Variants in SRBD1 observed in about 807,000 individuals in gnomAD.
SRBD1 encodes the protein S1 RNA binding domain 1, also known as S1 RNA-binding domain-containing protein 1.
A neutral mutation model predicts 115.3 loss-of-function variants in SRBD1; 88 were observed. The ratio of observed to expected loss-of-function variants is 0.76; its 90% CI spans 0.64 to 0.91. The LOEUF is 0.91. SRBD1 is among the 40% of genes least tolerant of loss of function. The pLI, the probability that SRBD1 is intolerant of heterozygous loss-of-function variation, is 0.00. For synonymous variants in SRBD1, 509 were observed against 407.7 expected, an observed-to-expected ratio of 1.25 and a Z score of -2.99; for missense variants, 1,385 against 1,177.4, an observed-to-expected ratio of 1.18 and a Z score of -2.58.
intron 14 of SRBD1, among the ~76,000 whole-genome samples, chr2:45,528,051 T>C (rs568026952): frequency 6.6e-6 from 1 of 151,928 alleles, no homozygotes; most frequent in South Asian, 2.1e-4. Context: ...GGATTTGTTT[T>C]AGCTTATATA....
At chr2:45,410,293 A>G (rs1187853435) in intron 19 of SRBD1, among the ~76,000 whole-genome samples, 3 of 152,242 alleles carry the variant, frequency 2.0e-5, no homozygotes, top group Non-Finnish European at 4.4e-5. Context: ...GTGAAAGTGT[A>G]AAATGTGAAA....
At chr2:45,407,461 G>C (rs1431059236) in intron 19 of SRBD1, among the ~76,000 whole-genome samples, 1 of 152,068 alleles carries the variant, frequency 6.6e-6, no homozygotes, top group African/African-American at 2.4e-5. Context: ...CTTTCTAATT[G>C]TTCAGCACTA....
At chr2:45,417,839 T>C (rs1443231588) in intron 18 of SRBD1, among the ~76,000 whole-genome samples, 2 of 152,180 alleles carry the variant, frequency 1.3e-5, no homozygotes, top group Admixed American at 1.3e-4. Flanking sequence ...TGTCACCTCA[T>C]CTTGTACCAG....
chr2:45,554,171 C>T (rs1036164477), intron 10 of SRBD1, among the ~76,000 whole-genome samples: 2 of 152,150 alleles, frequency 1.3e-5, no homozygotes, highest in Non-Finnish European at 2.9e-5. Flanking sequence ...GGAATCAGTG[C>T]CCTGATAAGA....
chr2:45,448,732 C>A (rs1193065085), intron 16 of SRBD1, among the ~76,000 whole-genome samples: 1 of 152,110 alleles, frequency 6.6e-6, no homozygotes, highest in Non-Finnish European at 1.5e-5. Flanking sequence ...ACTGAAGCTA[C>A]CCTGAAAGAA....
chr2:45,405,978 C>T (rs189998375), intron 19 of SRBD1, among the ~76,000 whole-genome samples: 232 of 152,048 alleles, frequency 1.5e-3, no homozygotes, highest in African/African-American at 5.4e-3. Context: ...AATAGGGAGA[C>T]CCCAGCAATA....
At position 45,421,510 on chromosome 2, in the gene SRBD1, CAAAAAAAAAAAAAAAA is replaced by C. The variant is rs869298079; in HGVS notation, c.2050-1632_2050-1617del. Among the ~76,000 whole-genome samples, 20 of 22,300 alleles carry C rather than the reference CAAAAAAAAAAAAAAAA, an allele frequency of 9.0e-4. 1 individual carries two copies. In the South Asian group the frequency reaches 0.029, roughly 33 times the overall value. The allele number at this position is 22,300 out of a possible 152,430, so 14.6% of individuals were successfully genotyped here. A position where few individuals can be genotyped will look rare whatever the true frequency, so the allele number is the denominator to read the frequency against. On this transcript the variant is annotated intron_variant, in intron 16 of 20. Coordinates refer to ENST00000263736, the MANE Select transcript of SRBD1 (RefSeq NM_018079.5). Reference sequence around the variant, plus strand: ...TGACGGTGTGAGACTCCGTCTCAAACAAAAAAAAAAAAAAAAAAAAAAAAAAAAAAAAAAAGTCAGA... The same window carrying C: ...TGACGGTGTGAGACTCCGTCTCAAACAAAAAAAAAAAAAAAAAAAGTCAGA...
At chr2:45,606,361 T>C (rs954979538) in intron 1 of SRBD1, among the ~76,000 whole-genome samples, 3 of 152,102 alleles carry the variant, frequency 2.0e-5, no homozygotes, top group African/African-American at 7.2e-5. Context: ...CATTTCTCCA[T>C]GTTGGTCAGG....
At chr2:45,554,735 C>A (rs1164773017) in intron 10 of SRBD1, among the ~76,000 whole-genome samples, 2 of 152,122 alleles carry the variant, frequency 1.3e-5, no homozygotes, top group Non-Finnish European at 2.9e-5. Context: ...ATAAACCAAG[C>A]TGGCAGCACA....
chr2:45,412,597 G>T (rs916911200), intron 19 of SRBD1, among the ~76,000 whole-genome samples: 2 of 152,100 alleles, frequency 1.3e-5, no homozygotes, highest in African/African-American at 4.8e-5. Flanking sequence ...AATTAAATAT[G>T]CTGTTAAAAA....
At chr2:45,531,548 G>T (rs1671612694) in intron 14 of SRBD1, among the ~76,000 whole-genome samples, 1 of 150,666 alleles carries the variant, frequency 6.6e-6, no homozygotes, top group East Asian at 1.9e-4. Flanking sequence ...CTACAGTAAA[G>T]ACGATAGGAA....
rs545009389 is a variant in SRBD1 at position 45,497,728 on chromosome 2, TATA to T, written c.1875-9400_1875-9398del. 2.1e-3 allele frequency among the ~76,000 whole-genome samples: 259 copies of T among 120,614 alleles called. 1 individual carries two copies. Among genetic ancestry groups the T allele is most frequent in the African/African-American group, 6.7e-3 (249 of 37,074 alleles). 79.1% of individuals were successfully genotyped at this position (120,614 alleles called of 152,430 possible). Reference sequence around the variant, plus strand: ...CAACCATCACCAAAATTCAATTTCATATAATTTTTTTTTTTAAGAAACTGCCAG... The same window carrying T: ...CAACCATCACCAAAATTCAATTTCATATTTTTTTTTTTAAGAAACTGCCAG... On this transcript the variant is annotated intron_variant, in intron 14 of 20. Coordinates refer to ENST00000263736, the MANE Select transcript of SRBD1 (RefSeq NM_018079.5).
intron 4 of SRBD1, among the ~76,000 whole-genome samples, chr2:45,587,085 A>C (rs1340802095): frequency 7.6e-6 from 1 of 131,030 alleles, no homozygotes; most frequent in Non-Finnish European, 1.5e-5. Flanking sequence ...AAATATTTAA[A>C]ATTTTTTAAA....
chr2:45,571,324 A>G (rs1673001364), intron 9 of SRBD1, among the ~76,000 whole-genome samples: 1 of 151,900 alleles, frequency 6.6e-6, no homozygotes, highest in South Asian at 2.1e-4. Flanking sequence ...TCTCTGTTAA[A>G]TAACTAGATG....
chr2:45,509,575 G>A (rs1411713469), intron 14 of SRBD1, among the ~76,000 whole-genome samples: 1 of 140,436 alleles, frequency 7.1e-6, no homozygotes, highest in Non-Finnish European at 1.5e-5. Context: ...CAGCCTGGAG[G>A]ACACAGCAAG....
intron 7 of SRBD1, 47 bp downstream of exon 7, chr2:45,579,828 A>C: frequency 2.7e-6 from 4 of 1,461,710 alleles, no homozygotes; most frequent in South Asian, 3.1e-5. Context: ...TTAAATTAAA[A>C]AAAAAAAAAA....
chr2:45,426,990 G>A (rs913199407), intron 16 of SRBD1, among the ~76,000 whole-genome samples: 1 of 152,202 alleles, frequency 6.6e-6, no homozygotes, highest in Non-Finnish European at 1.5e-5. Context: ...AAACTGGATG[G>A]AGAATTAATT....
chr2:45,434,088 G>A (rs762816219), intron 16 of SRBD1, among the ~76,000 whole-genome samples: 4 of 152,204 alleles, frequency 2.6e-5, no homozygotes, highest in Non-Finnish European at 5.9e-5. Flanking sequence ...TGGAAGGTAC[G>A]CTGAAGATTC....
intron 20 of SRBD1, 71 bp downstream of exon 20, chr2:45,392,874 C>T (rs1667041790): frequency 2.2e-6 from 3 of 1,367,600 alleles, no homozygotes; most frequent in African/African-American, 1.5e-5. Flanking sequence ...CATAGGATTG[C>T]TGTGAGGATC....
Sources: allele counts gnomAD v4.1 joint callset (sites outside exome capture counted in the v4.1 genomes callset), GRCh38; gene constraint gnomAD v4.1.1; transcripts MANE v1.5; gene names NCBI Gene and HGNC (gene_info 2026-07-23, HGNC 2026-07-21).